KDM7A: variants seen among roughly 807,000 people sequenced by gnomAD.
KDM7A encodes the protein lysine-specific demethylase 7A.
KDM7A carries 28 observed loss-of-function variants against 114.8 expected under a neutral mutation model. The observed-to-expected ratio is 0.24, with a 90% CI of 0.18 to 0.33. KDM7A has a LOEUF of 0.33. Ranked by LOEUF, KDM7A falls within the 10% of genes least tolerant of loss-of-function variation. The probability of loss-of-function intolerance (pLI) is 1.00; values close to 1 mark genes in which losing one functional copy is unlikely to be tolerated. For synonymous variants in KDM7A, 423 were observed against 397.8 expected, an observed-to-expected ratio of 1.06 and a Z score of -0.75; for missense variants, 942 against 1,142.5, an observed-to-expected ratio of 0.82 and a Z score of 2.53.
intron 3 of KDM7A, among the ~76,000 whole-genome samples, chr7:140,130,129 C>T (rs929023225): frequency 1.8e-4 from 28 of 152,096 alleles, no homozygotes; most frequent in African/African-American, 6.3e-4. Flanking sequence ...CACTTCTGTT[C>T]CTTAGCATTT....
chr7:140,159,208 G>T (rs1032374426), intron 1 of KDM7A, among the ~76,000 whole-genome samples: 9 of 152,012 alleles, frequency 5.9e-5, no homozygotes, highest in Admixed American at 2.0e-4. Context: ...TTAGCCAGGC[G>T]TGGTGGCACA....
intron 12 of KDM7A, among the ~76,000 whole-genome samples, chr7:140,100,660 T>TTATA (rs1244353345): frequency 4.5e-5 from 5 of 111,284 alleles, no homozygotes; most frequent in South Asian, 3.2e-4. Context: ...TTTTAAAAAG[T>TTATA]TATATATATA....
chr7:140,136,926 G>A (rs1818880137), intron 2 of KDM7A, among the ~76,000 whole-genome samples: 1 of 152,086 alleles, frequency 6.6e-6, no homozygotes, highest in Non-Finnish European at 1.5e-5. Context: ...GGCGGAGGTT[G>A]CAGTGAGCCA....
intron 11 of KDM7A, among the ~76,000 whole-genome samples, chr7:140,106,888 T>C (rs913276860): frequency 1.2e-4 from 19 of 152,218 alleles, no homozygotes; most frequent in African/African-American, 4.6e-4. Flanking sequence ...CAGTGGGGTG[T>C]TGAAGTCTCC....
At chr7:140,149,196 G>C (rs1352515736) in intron 1 of KDM7A, among the ~76,000 whole-genome samples, 2 of 152,120 alleles carry the variant, frequency 1.3e-5, no homozygotes, top group African/African-American at 4.8e-5. Flanking sequence ...GCACTCAGTG[G>C]TACAAAACAT....
chr7:140,106,023 T>A (rs1307622792), intron 11 of KDM7A, among the ~76,000 whole-genome samples: 2 of 152,112 alleles, frequency 1.3e-5, no homozygotes, highest in Non-Finnish European at 2.9e-5. Context: ...CTTGGAAGGG[T>A]GTATGTGTTG....
Position 140,100,681 on chromosome 7 carries a change from C to CATATATATATATATATATAT in KDM7A, c.1639-659_1639-658insATATATATATATATATATAT, listed in dbSNP as rs1318217688. ...AAAGTTATATATATATATATATATA[C>CATATATATATATATATATAT]ATATATACATATATATATATATATA... On this transcript the variant is annotated intron_variant, in intron 12 of 19. Coordinates refer to ENST00000397560, the MANE Select transcript of KDM7A (RefSeq NM_030647.2). Among the ~76,000 whole-genome samples the CATATATATATATATATATAT allele has an allele frequency of 4.5e-4, 20 of 44,344 alleles. 1 individual carries two copies. Among genetic ancestry groups the CATATATATATATATATATAT allele is most frequent in the East Asian group, 6.0e-4 (1 of 1,666 alleles). 29.1% of individuals were successfully genotyped at this position (44,344 alleles called of 152,430 possible). A position where few individuals can be genotyped will look rare whatever the true frequency, so the allele number is the denominator to read the frequency against.
In KDM7A at chr7:140,087,035, G is replaced by T; in HGVS notation, c.*4059C>A. ...GAGCATCTTTTGAAAAAGGCAGAAA[G>T]AATCTTGTCTGTTGAAGATGTCTGG... On this transcript the variant is annotated 3_prime_UTR_variant, in exon 20 of 20. Coordinates refer to ENST00000397560, the MANE Select transcript of KDM7A (RefSeq NM_030647.2). The T allele has an allele frequency of 6.6e-6, 1 of 152,224 alleles. No homozygotes were observed. Among genetic ancestry groups the T allele is most frequent in the East Asian group, 1.9e-4 (1 of 5,202 alleles). 9.4% of individuals were successfully genotyped at this position (152,224 alleles called of 1,614,324 possible).
chr7:140,093,330 T>C (rs916045117), intron 18 of KDM7A, among the ~76,000 whole-genome samples: 13 of 152,234 alleles, frequency 8.5e-5, no homozygotes, highest in African/African-American at 3.1e-4. Context: ...AGTCGACTCA[T>C]GTTCCCCTCT....
intron 7 of KDM7A, among the ~76,000 whole-genome samples, chr7:140,123,402 CCATT>C (rs1179736971): frequency 1.3e-5 from 2 of 152,174 alleles, no homozygotes; most frequent in African/African-American, 4.8e-5. Context: ...CGAAGCAGCA[CCATT>C]CAAATAGTCA....
intron 17 of KDM7A, among the ~76,000 whole-genome samples, 186 bp downstream of exon 17, chr7:140,096,369 C>T (rs1818109172): frequency 6.6e-6 from 1 of 152,176 alleles, no homozygotes; most frequent in Admixed American, 6.5e-5. Flanking sequence ...AGGTAATTTA[C>T]ATTTTGAGTT....
chr7:140,163,943 T>C (rs755649530), intron 1 of KDM7A, among the ~76,000 whole-genome samples: 3 of 152,178 alleles, frequency 2.0e-5, no homozygotes, highest in Admixed American at 6.5e-5. Context: ...TAACATTTTA[T>C]AATTATAATG....
Position 140,120,517 on chromosome 7 carries a change from G to A in KDM7A, c.1064C>T (p.Ala355Val). ...TLFVPTGWIH[A>V]VLTSQDCMAF... The stretch of plus-strand genomic sequence containing the variant: ...CATACAGTCCTGAGAAGTGAGCACA[G>A]CATGGATCCACCCTAAAATGGTTGA... Residue 355 changes from alanine (A) to valine (V), a missense_variant, in exon 8 of 20, where the codon GCT (alanine) becomes GTT (valine). By Grantham distance (64) the Ala-to-Val change is moderately conservative. Transcript: ENST00000397560. 1 of 1,608,034 alleles carries A rather than the reference G, an allele frequency of 6.2e-7. No homozygotes were observed. Among genetic ancestry groups the A allele is most frequent in the Non-Finnish European group, 8.5e-7 (1 of 1,174,608 alleles).
chr7:140,146,689 T>C (rs112392929), intron 1 of KDM7A, among the ~76,000 whole-genome samples: 30 of 152,308 alleles, frequency 2.0e-4, no homozygotes, highest in African/African-American at 7.2e-4. Flanking sequence ...AATCTGACCT[T>C]TGCTGAATAG....
At chr7:140,105,701 T>C (rs1015616623) in intron 11 of KDM7A, among the ~76,000 whole-genome samples, 2 of 152,256 alleles carry the variant, frequency 1.3e-5, no homozygotes, top group African/African-American at 4.8e-5. Flanking sequence ...AGTATTTTAC[T>C]GAGGATTTCT....
chr7:140,150,975 A>G (rs953770628), intron 1 of KDM7A, among the ~76,000 whole-genome samples: 23 of 152,036 alleles, frequency 1.5e-4, no homozygotes, highest in African/African-American at 5.3e-4. Context: ...GATTACAGGC[A>G]TGAGCCACCA....
chr7:140,139,171 G>T lies in KDM7A; in HGVS notation c.214C>A (p.His72Asn). Reference sequence around the variant, plus strand: ...TACAGGTCAATGTCAACAGCATGATGTTCTTCTACTCCAACACAGCTAAGA... The same window carrying T: ...TACAGGTCAATGTCAACAGCATGATTTTCTTCTACTCCAACACAGCTAAGA... ...FHGSCVGVEE[H>N]HAVDIDLYHC... The change falls in exon 2 of 20, where the codon CAT becomes AAT. Residue 72 changes from histidine (H) to asparagine (N), a missense_variant. Physicochemically the swap from His to Asn is moderately conservative, Grantham distance 68. Around this residue, in one of 4 missense-constraint regions of KDM7A, gnomAD observed 318 missense variants for 453.1 expected, o/e 0.70. Coordinates refer to ENST00000397560, the MANE Select transcript of KDM7A (RefSeq NM_030647.2). The T allele has an allele frequency of 1.2e-6, 2 of 1,613,080 alleles. No individual in the cohort carries two copies. The highest frequency in any genetic ancestry group is 1.1e-5 in the South Asian group (1 of 91,018).
intron 1 of KDM7A, among the ~76,000 whole-genome samples, chr7:140,175,333 T>C (rs1794690564): frequency 6.6e-6 from 1 of 152,204 alleles, no homozygotes; most frequent in Admixed American, 6.5e-5. Flanking sequence ...CTAAGACATC[T>C]GGCCTGGTCT....
At chr7:140,150,472 G>A (rs959156035) in intron 1 of KDM7A, among the ~76,000 whole-genome samples, 7 of 152,174 alleles carry the variant, frequency 4.6e-5, no homozygotes, top group Non-Finnish European at 7.3e-5. Context: ...TCAAAAGAAT[G>A]ATGCAGCTCT....
Sources: gnomAD v4.1 joint callset for allele counts (sites outside exome capture counted in the v4.1 genomes callset) on GRCh38, gnomAD v4.1.1 for gene constraint, gnomAD v4.1.1 regional missense constraint, MANE v1.5 for transcripts, NCBI Gene and HGNC (gene_info 2026-07-23, HGNC 2026-07-21) for gene names.